The following FBN2 variants were observed in gnomAD, a reference collection of about 807,000 sequenced individuals.
The protein encoded by FBN2 is fibrillin 2.
Under a neutral mutation model 355.6 loss-of-function variants are expected in FBN2, and 105 were observed. That is an observed-to-expected ratio of 0.30 (90% CI 0.25 to 0.35). The LOEUF (loss-of-function observed/expected upper bound fraction) is 0.35, where lower values mean the gene tolerates loss of function less well. FBN2 is among the 10% of genes least tolerant of loss of function. The probability of loss-of-function intolerance (pLI) is 1.00; values close to 1 mark genes in which losing one functional copy is unlikely to be tolerated. For synonymous variants in FBN2, 1,350 were observed against 1,301.2 expected, an observed-to-expected ratio of 1.04 and a Z score of -0.81; for missense variants, 3,280 against 3,758.7, an observed-to-expected ratio of 0.87 and a Z score of 3.33.
chr5:128,394,960 A>AT (rs1752609425), intron 9 of FBN2, among the ~76,000 whole-genome samples, 162 bp downstream of exon 9: 1 of 152,012 alleles, frequency 6.6e-6, no homozygotes, highest in African/African-American at 2.4e-5. Context: ...TAATTTTTGT[A>AT]TTTTTTGTAG....
intron 5 of FBN2, among the ~76,000 whole-genome samples, chr5:128,489,251 T>C (rs1043970379): frequency 2.0e-5 from 3 of 152,228 alleles, no homozygotes; most frequent in Admixed American, 2.0e-4. Context: ...AATATTTCTA[T>C]GCAGTCATGC....
chr5:128,493,674 T>C (rs755240872), intron 5 of FBN2, among the ~76,000 whole-genome samples: 11 of 152,216 alleles, frequency 7.2e-5, no homozygotes, highest in Non-Finnish European at 1.6e-4. Context: ...GAGAAGAATG[T>C]AGGAAAAAAT....
chr5:128,453,999 C>CA (rs1055706712), intron 6 of FBN2, among the ~76,000 whole-genome samples: 23 of 151,476 alleles, frequency 1.5e-4, no homozygotes, highest in Admixed American at 1.4e-3. Context: ...TGCCCCCCCC[C>CA]CAAGTTTCTC....
intron 7 of FBN2, among the ~76,000 whole-genome samples, chr5:128,437,253 G>A (rs1753791800): frequency 6.6e-6 from 1 of 152,154 alleles, no homozygotes; most frequent in Non-Finnish European, 1.5e-5. Context: ...CAATGGGAAA[G>A]CTGACAAACA....
At position 128,305,007 on chromosome 5, in the gene FBN2, C is replaced by T; in HGVS notation, c.5750G>A (p.Cys1917Tyr). 1 of 1,613,764 alleles carries T rather than the reference C, an allele frequency of 6.2e-7. No individual in the cohort carries two copies. The highest frequency in any genetic ancestry group is 8.5e-7 in the Non-Finnish European group (1 of 1,179,944). ...LCVDLQGSYQ[C>Y]ICHNGFKASQ... ...AGCCTTAAAGCCATTGTGGCAGATG[C>T]ACTGGTAACTTCCTTGCAGATCAAC... is the stretch of plus-strand genomic sequence containing the variant. The change falls in exon 45 of 65, where the codon TGC becomes TAC. Residue 1917 changes from cysteine to tyrosine, a missense_variant. Coordinates refer to ENST00000262464, the MANE Select transcript of FBN2 (RefSeq NM_001999.4).
At chr5:128,397,508 A>G (rs187049554) in intron 8 of FBN2, among the ~76,000 whole-genome samples, 40 of 152,308 alleles carry the variant, frequency 2.6e-4, no homozygotes, top group African/African-American at 9.4e-4. Flanking sequence ...AATATTATTA[A>G]TTGTTCGATT....
intron 3 of FBN2, 58 bp downstream of exon 3, chr5:128,530,537 G>T: frequency 8.8e-7 from 1 of 1,137,082 alleles, no homozygotes; most frequent in Non-Finnish European, 1.3e-6. Context: ...AGGACCTTTA[G>T]CATTTGCTCC....
chr5:128,379,756 A>G (rs1752180750), intron 11 of FBN2, among the ~76,000 whole-genome samples: 2 of 152,258 alleles, frequency 1.3e-5, no homozygotes, highest in South Asian at 4.1e-4. Context: ...TCTCTCAGCA[A>G]TGCCCACTAA....
At chr5:128,428,036 C>T (rs1342742505) in intron 7 of FBN2, among the ~76,000 whole-genome samples, 2 of 152,098 alleles carry the variant, frequency 1.3e-5, no homozygotes, top group Non-Finnish European at 2.9e-5. Context: ...TTTTCCTTTC[C>T]TACCCCACAA....
At chr5:128,490,112 A>T (rs1167933920) in intron 5 of FBN2, among the ~76,000 whole-genome samples, 1 of 152,226 alleles carries the variant, frequency 6.6e-6, no homozygotes, top group Non-Finnish European at 1.5e-5. Context: ...CCCACTAATG[A>T]TCAGCACTTT....
chr5:128,318,042 T>C, intron 36 of FBN2, 107 bp downstream of exon 36: 1 of 1,196,050 alleles, frequency 8.4e-7, no homozygotes, highest in Middle Eastern at 1.9e-4. Context: ...ACATAATGTT[T>C]TGTTTTTAAG....
chr5:128,496,327 T>G (rs755690584), intron 5 of FBN2, among the ~76,000 whole-genome samples: 7 of 152,008 alleles, frequency 4.6e-5, no homozygotes, highest in Non-Finnish European at 8.8e-5. Context: ...TAAAAAAGAT[T>G]ATATACCACG....
chr5:128,277,748 G>A, intron 58 of FBN2, 132 bp downstream of exon 58: 1 of 1,047,720 alleles, frequency 9.5e-7, no homozygotes. Context: ...TTATTGAGAG[G>A]ATGGCAACAT....
chr5:128,389,009 A>G (rs1271261582), intron 11 of FBN2, among the ~76,000 whole-genome samples: 1 of 152,134 alleles, frequency 6.6e-6, no homozygotes, highest in Non-Finnish European at 1.5e-5. Flanking sequence ...ACATAATCTC[A>G]TATTTCTCAG....
intron 7 of FBN2, among the ~76,000 whole-genome samples, chr5:128,426,624 T>C (rs1753489153): frequency 6.6e-6 from 1 of 152,178 alleles, no homozygotes; most frequent in African/African-American, 2.4e-5. Context: ...GTAACAAATC[T>C]AACAGTCTAA....
intron 2 of FBN2, 84 bp downstream of exon 2, chr5:128,536,318 C>T (rs932052264): frequency 3.3e-5 from 33 of 1,008,340 alleles, no homozygotes; most frequent in African/African-American, 1.1e-4. Flanking sequence ...CGCAACTATG[C>T]GTCCAAATGG....
chr5:128,480,404 G>A lies in FBN2; in HGVS notation c.629-15483C>T, dbSNP rs1056812614. ...AGAATTCTAGCTTCACCAGCTACAC[G>A]CCTATGGTCTTGAATAGGCTAAGTC... On this transcript the variant is annotated intron_variant, in intron 5 of 64. Coordinates refer to ENST00000262464, the MANE Select transcript of FBN2 (RefSeq NM_001999.4). Among the ~76,000 whole-genome samples the A allele has an allele frequency of 2.6e-5, 4 of 152,076 alleles. No individual in the cohort carries two copies. In the East Asian group the frequency reaches 7.7e-4, roughly 29 times the overall value.
chr5:128,448,220 G>T (rs556524431), intron 6 of FBN2, among the ~76,000 whole-genome samples: 2 of 149,270 alleles, frequency 1.3e-5, no homozygotes, highest in South Asian at 4.3e-4. Context: ...ACCACTAGCA[G>T]TCTACACACC....
chr5:128,513,406 T>A (rs1035465927), intron 5 of FBN2, among the ~76,000 whole-genome samples: 10 of 152,250 alleles, frequency 6.6e-5, no homozygotes, highest in Non-Finnish European at 1.2e-4. Flanking sequence ...TAATCCGATG[T>A]TGAAACAGGA....
Sources: gnomAD v4.1 joint callset for allele counts (sites outside exome capture counted in the v4.1 genomes callset) on GRCh38, gnomAD v4.1.1 for gene constraint, MANE v1.5 for transcripts, NCBI Gene and HGNC (gene_info 2026-07-23, HGNC 2026-07-21) for gene names.